The following TRRAP variants were observed in gnomAD, a reference collection of about 807,000 sequenced individuals.
The protein encoded by TRRAP is transformation/transcription domain-associated protein.
A neutral mutation model predicts 438.8 loss-of-function variants in TRRAP; 41 were observed. The ratio of observed to expected loss-of-function variants is 0.09; its 90% confidence interval spans 0.07 to 0.12. TRRAP has a LOEUF of 0.12. Among genes scored for constraint, TRRAP ranks in the 10% least tolerant of loss-of-function variants. The pLI is 1.00. For synonymous variants in TRRAP, 1,994 were observed against 1,962.9 expected (o/e 1.02, Z -0.42); for missense variants, 3,122 against 5,055.1 (o/e 0.62, Z 11.60).
chr7:98,995,933 C>A (rs536354642), intron 67 of TRRAP, among the ~76,000 whole-genome samples: 1 of 150,312 alleles, frequency 6.7e-6, no homozygotes, highest in South Asian at 2.1e-4. Context: ...ATCCCCATCC[C>A]GTCCTCACAC....
At chr7:98,967,769 G>A (rs762423318) in intron 51 of TRRAP, 71 bp downstream of exon 51, 80 of 1,400,928 alleles carry the variant, frequency 5.7e-5, no homozygotes, top group Admixed American at 1.3e-4. Context: ...TCCAAAGCCA[G>A]GAGGTGTTCA....
Position 99,012,295 on chromosome 7 carries a change from C to T in TRRAP, c.11562C>T (p.Ala3854=), listed in dbSNP as rs369434966. 24 of 1,612,706 alleles carry T rather than the reference C, an allele frequency of 1.5e-5. No homozygotes were observed. The highest frequency in any genetic ancestry group is 1.3e-4 in the African/African-American group (10 of 74,890). ...GGESKVNTLV[A]AANSLDNLCR... ...AAAGCAAGGTGAACACCCTGGTGGC[C>T]GCGGCAAACAGCCTGGACAATCTGT... The change falls in exon 73 of 73, where the codon GCC becomes GCT. Residue 3854 remains alanine, a synonymous_variant. Coordinates refer to ENST00000456197, the MANE Select transcript of TRRAP (RefSeq NM_001375524.1). The surrounding 1 kb of genome is among the most constrained non-coding windows in gnomAD (Gnocchi z 5.9).
chr7:98,909,321 A>G (rs1554408155), intron 14 of TRRAP, among the ~76,000 whole-genome samples: 1 of 152,008 alleles, frequency 6.6e-6, no homozygotes, highest in Non-Finnish European at 1.5e-5. Context: ...ACCATGCCGG[A>G]CTTGTGGCCA....
chr7:98,966,450 C>T (rs1009729370), intron 49 of TRRAP, among the ~76,000 whole-genome samples: 8 of 151,838 alleles, frequency 5.3e-5, no homozygotes, highest in South Asian at 2.1e-4. Context: ...TTTGGGAGAC[C>T]GAGGCAGGTG....
intron 3 of TRRAP, among the ~76,000 whole-genome samples, chr7:98,885,795 GC>G (rs1257931919): frequency 6.6e-6 from 1 of 152,164 alleles, no homozygotes; most frequent in Non-Finnish European, 1.5e-5. Flanking sequence ...GAAATCATAG[GC>G]AGTCTGTGAA....
intron 3 of TRRAP, among the ~76,000 whole-genome samples, chr7:98,883,663 A>G (rs1490608980): frequency 6.6e-6 from 1 of 152,122 alleles, no homozygotes; most frequent in Admixed American, 6.6e-5. Flanking sequence ...ACAGGCATGC[A>G]CTACCACGCC....
At position 98,903,673 on chromosome 7, in the gene TRRAP, C is replaced by T. The variant is rs535001845; in HGVS notation, c.1036+156C>T. On this transcript the variant is annotated intron_variant, in intron 12 of 72. Coordinates refer to ENST00000456197, the MANE Select transcript of TRRAP (RefSeq NM_001375524.1). ...TCATTCTTTCCCCTCTTTTCTCTCC[C>T]TCTCTGCCTCCCTGTATTAGTCTGT... Among the ~76,000 whole-genome samples the T allele has an allele frequency of 5.3e-5, 8 of 152,252 alleles. No individual in the cohort carries two copies. The East Asian group carries it at 1.4e-3, about 26-fold the overall frequency.
In TRRAP at chr7:98,970,132, G is replaced by C. The variant is rs1584376007; in HGVS notation, c.7533G>C (p.Glu2511Asp). 1 of 1,613,856 alleles carries C rather than the reference G, an allele frequency of 6.2e-7. No homozygotes were observed. The highest frequency in any genetic ancestry group is 8.5e-7 in the Non-Finnish European group (1 of 1,179,984). The change falls in exon 52 of 73, where the codon GAG (glutamate) becomes GAC (aspartate). Residue 2511 changes from glutamate to aspartate, a missense_variant. Physicochemically the swap from Glu to Asp is conservative, Grantham distance 45. This residue lies in a region of TRRAP where 992 missense variants were observed against 1,281.2 expected (regional missense o/e 0.77). Coordinates refer to ENST00000456197, the MANE Select transcript of TRRAP (RefSeq NM_001375524.1). ...QCIELLLAVC[E>D]KSTPIGTSCQ... ...TGCAGCTGCTTCTGGCCGTGTGTGA[G>C]AAGAGCACCCCCATTGGCACCAGCT...
intron 57 of TRRAP, 53 bp from the exon 58 acceptor site, chr7:98,978,716 T>C (rs1792779395): frequency 1.9e-6 from 3 of 1,611,464 alleles, no homozygotes; most frequent in African/African-American, 2.7e-5. Context: ...CCTTTGTGAA[T>C]TCATGAGTGT....
intron 51 of TRRAP, among the ~76,000 whole-genome samples, chr7:98,968,340 A>G (rs73155656): frequency 0.046 from 6,985 of 152,288 alleles, 215 homozygotes; most frequent in Non-Finnish European, 0.069. Context: ...TTAAGCAGAA[A>G]GATGGAGCAG....
chr7:98,950,404 C>T, intron 38 of TRRAP, 142 bp downstream of exon 38: 1 of 1,010,542 alleles, frequency 9.9e-7, no homozygotes, highest in South Asian at 1.7e-5. Flanking sequence ...TGCCTGTAAT[C>T]CCAGGTACTC....
intron 70 of TRRAP, among the ~76,000 whole-genome samples, chr7:99,008,984 G>A (rs531038285): frequency 5.3e-5 from 8 of 152,264 alleles, no homozygotes; most frequent in African/African-American, 1.4e-4. Flanking sequence ...GGTGTTAGGC[G>A]ATGTGCAGCA....
At chr7:98,902,972 G>A (rs1796541659) in intron 11 of TRRAP, among the ~76,000 whole-genome samples, 1 of 151,758 alleles carries the variant, frequency 6.6e-6, no homozygotes, top group African/African-American at 2.4e-5. Flanking sequence ...AGCTACTGAG[G>A]TGGGAGGATG....
chr7:98,972,913 G>A (rs1000700328), intron 53 of TRRAP, among the ~76,000 whole-genome samples: 4 of 152,176 alleles, frequency 2.6e-5, no homozygotes, highest in Admixed American at 6.5e-5. Flanking sequence ...GGGATGGAGC[G>A]GGAAGCAGAG....
At chr7:98,957,703 C>T (rs1481443138) in intron 43 of TRRAP, among the ~76,000 whole-genome samples, 5 of 152,348 alleles carry the variant, frequency 3.3e-5, no homozygotes, top group Admixed American at 6.5e-5. Flanking sequence ...TGGCCCGCTT[C>T]GTCTCAACCT....
chr7:98,970,840 C>T (rs2116707211), intron 52 of TRRAP, among the ~76,000 whole-genome samples: 2 of 152,342 alleles, frequency 1.3e-5, no homozygotes, highest in South Asian at 4.1e-4. Flanking sequence ...ACCCATGTCT[C>T]TGCCTAGTCC....
intron 3 of TRRAP, among the ~76,000 whole-genome samples, chr7:98,887,428 A>T (rs1295609812): frequency 1.3e-5 from 2 of 152,112 alleles, no homozygotes; most frequent in East Asian, 3.9e-4. Flanking sequence ...GGTGCCAAAC[A>T]CAGTTCTTCT....
intron 58 of TRRAP, among the ~76,000 whole-genome samples, chr7:98,979,406 A>G (rs1187963766): frequency 6.6e-6 from 1 of 152,180 alleles, no homozygotes; most frequent in Non-Finnish European, 1.5e-5. Flanking sequence ...ATACAGTGTA[A>G]TTGCTACTTA....
In TRRAP at chr7:98,937,297, T is replaced by A. The variant is rs310736; in HGVS notation, c.4233+20T>A. The A allele has an allele frequency of 0.033, 53,134 of 1,604,694 alleles. 10,304 individuals carry two copies. The African/African-American group carries it at 0.51, about 16-fold the overall frequency. ...AGAAAGGTGAGTGTGTGTGCGTGCG[T>A]GTATGCGCACGCGTGTGTGCACACA... is the stretch of plus-strand genomic sequence containing the variant. On this transcript the variant is annotated intron_variant, in intron 29 of 72. Coordinates refer to ENST00000456197, the MANE Select transcript of TRRAP (RefSeq NM_001375524.1).
Sources: gnomAD v4.1 joint callset for allele counts (sites outside exome capture counted in the v4.1 genomes callset) on GRCh38, gnomAD v4.1.1 for gene constraint, gnomAD v4.1.1 regional missense constraint, Gnocchi (gnomAD v3.1) non-coding constraint, MANE v1.5 for transcripts, NCBI Gene and HGNC (gene_info 2026-07-23, HGNC 2026-07-21) for gene names.